Variants in EDN1 observed in about 807,000 individuals in gnomAD.
EDN1 encodes the protein endothelin-1.
In EDN1, 11 loss-of-function variants were observed where a neutral mutation model predicts 21.7. That is an observed-to-expected ratio of 0.51 (90% CI 0.32 to 0.84). The LOEUF (loss-of-function observed/expected upper bound fraction) is 0.84. Ranked by LOEUF, EDN1 falls within the 40% of genes least tolerant of loss-of-function variation. The pLI, the probability that EDN1 is intolerant of heterozygous loss-of-function variation, is 0.03. For missense variants in EDN1, 244 were observed against 262.3 expected, an observed-to-expected ratio of 0.93 and a Z score of 0.48; for synonymous variants, 85 against 90.6, an observed-to-expected ratio of 0.94 and a Z score of 0.35.
At chr6:12,267,964 T>C in the EDN1 span, among the ~76,000 whole-genome samples, 1 of 152,276 alleles carries the variant, frequency 6.6e-6, no homozygotes, top group South Asian at 2.1e-4. Context: ...GCCACATAAA[T>C]GGAACAACAA....
the EDN1 span, among the ~76,000 whole-genome samples, chr6:12,243,971 G>A: frequency 6.6e-6 from 1 of 152,100 alleles, no homozygotes; most frequent in East Asian, 1.9e-4. Flanking sequence ...TATTAGAGAT[G>A]TTATCTCACT....
the EDN1 span, among the ~76,000 whole-genome samples, chr6:12,283,236 C>T: frequency 4.6e-5 from 7 of 152,270 alleles, no homozygotes; most frequent in South Asian, 1.5e-3. Context: ...CTTTTCCCAG[C>T]ATACTCATGT....
At chr6:12,260,156 TAGTA>T in the EDN1 span, among the ~76,000 whole-genome samples, 1 of 152,042 alleles carries the variant, frequency 6.6e-6, no homozygotes, top group Admixed American at 6.5e-5. Flanking sequence ...ATAAGAAAAT[TAGTA>T]AGAGTTCTTG....
the EDN1 span, among the ~76,000 whole-genome samples, chr6:12,264,434 T>C: frequency 1.3e-5 from 2 of 152,344 alleles, no homozygotes; most frequent in South Asian, 4.1e-4. Context: ...GGAGCAGATA[T>C]ATAAGAGAAT....
the EDN1 span, among the ~76,000 whole-genome samples, chr6:12,266,783 C>T: frequency 5.9e-5 from 9 of 152,160 alleles, no homozygotes; most frequent in East Asian, 1.9e-4. Flanking sequence ...ATGACTCATT[C>T]GTCAAACCAC....
chr6:12,279,647 C>A, the EDN1 span, among the ~76,000 whole-genome samples: 2 of 152,180 alleles, frequency 1.3e-5, no homozygotes, highest in Non-Finnish European at 2.9e-5. Flanking sequence ...CCCGCAAGGA[C>A]CTGTGCCTCC....
chr6:12,274,982 TTCCC>T, the EDN1 span, among the ~76,000 whole-genome samples: 1,279 of 140,232 alleles, frequency 9.1e-3, 3 homozygotes, highest in Non-Finnish European at 0.011. Context: ...TGCTCCTTCC[TTCCC>T]TCCCTCCCTC....
chr6:12,246,984 G>A, the EDN1 span, among the ~76,000 whole-genome samples: 1 of 152,234 alleles, frequency 6.6e-6, no homozygotes, highest in African/African-American at 2.4e-5. Flanking sequence ...CTAGTGCATA[G>A]AAGGTGCCCA....
At chr6:12,288,482 G>A (rs1204951877), upstream of EDN1, among the ~76,000 whole-genome samples, 7 of 152,136 alleles carry the variant, frequency 4.6e-5, no homozygotes, top group Non-Finnish European at 1.0e-4. Flanking sequence ...CCTGGGCCCC[G>A]GGGCTAGGCT....
At chr6:12,262,047 A>G in the EDN1 span, among the ~76,000 whole-genome samples, 315 of 152,324 alleles carry the variant, frequency 2.1e-3, no homozygotes, top group African/African-American at 7.1e-3. Context: ...TTCGGAATGA[A>G]CTAGGGAAGA....
the EDN1 span, among the ~76,000 whole-genome samples, chr6:12,239,289 A>G: frequency 6.6e-6 from 1 of 152,242 alleles, no homozygotes; most frequent in African/African-American, 2.4e-5. Context: ...TACACATGTT[A>G]ACATAATAGG....
chr6:12,258,314 C>T, the EDN1 span, among the ~76,000 whole-genome samples: 2 of 150,496 alleles, frequency 1.3e-5, no homozygotes, highest in Admixed American at 6.6e-5. Flanking sequence ...GCTGGTGTGG[C>T]GGTACATGCC....
intron 1 of EDN1, among the ~76,000 whole-genome samples, chr6:12,291,217 TCCCCCCC>T (rs56214323): frequency 1.1e-5 from 1 of 92,086 alleles, no homozygotes; most frequent in East Asian, 3.8e-4. Context: ...AACTACCGCC[TCCCCCCC>T]CCCCCGCCAC....
the EDN1 span, among the ~76,000 whole-genome samples, chr6:12,236,028 A>T: frequency 1.3e-5 from 2 of 152,214 alleles, no homozygotes; most frequent in African/African-American, 4.8e-5. Context: ...TGTATACAAG[A>T]TTTCATAACA....
chr6:12,234,590 C>T, the EDN1 span, among the ~76,000 whole-genome samples: 5 of 152,180 alleles, frequency 3.3e-5, no homozygotes, highest in Non-Finnish European at 7.3e-5. Flanking sequence ...AAGCAAAAGT[C>T]TCTGCTGTTA....
chr6:12,233,461 C>T, the EDN1 span, among the ~76,000 whole-genome samples: 2 of 152,150 alleles, frequency 1.3e-5, no homozygotes, highest in Non-Finnish European at 1.5e-5. Context: ...AAGGTCATGT[C>T]CAGGTAGCGA....
the EDN1 span, among the ~76,000 whole-genome samples, chr6:12,260,310 T>C: frequency 1.3e-5 from 2 of 152,146 alleles, no homozygotes; most frequent in Non-Finnish European, 2.9e-5. Context: ...ACTGTTAAAA[T>C]TTTAAAATCA....
chr6:12,247,641 C>A, the EDN1 span, among the ~76,000 whole-genome samples: 1 of 147,254 alleles, frequency 6.8e-6, no homozygotes, highest in Admixed American at 7.0e-5. Flanking sequence ...TGGGTTCAAG[C>A]GATTCTCATG....
chr6:12,285,827 C>T (rs1003522117), upstream of EDN1, among the ~76,000 whole-genome samples: 5 of 152,048 alleles, frequency 3.3e-5, no homozygotes, highest in African/African-American at 9.7e-5. Context: ...GCCTCGGCCT[C>T]GGGATTACAA....
Sources: gnomAD v4.1 joint callset for allele counts (sites outside exome capture counted in the v4.1 genomes callset) on GRCh38, gnomAD v4.1.1 for gene constraint, MANE v1.5 for transcripts, NCBI Gene and HGNC (gene_info 2026-07-23, HGNC 2026-07-21) for gene names.